AMPD3: variants seen among roughly 807,000 people sequenced by gnomAD.
AMPD3 encodes the protein adenosine monophosphate deaminase 3, also known as AMP deaminase 3.
A neutral mutation model predicts 82.3 loss-of-function variants in AMPD3; 57 were observed. That is an observed-to-expected ratio of 0.69 (90% CI 0.56 to 0.86). The LOEUF is 0.86. Ranked by LOEUF, AMPD3 falls within the 40% of genes least tolerant of loss-of-function variation. The pLI, the probability that AMPD3 is intolerant of heterozygous loss-of-function variation, is 0.00. For synonymous variants in AMPD3, 381 were observed against 394.7 expected (o/e 0.97, Z 0.41); for missense variants, 870 against 1,003.8 (o/e 0.87, Z 1.80).
At chr11:10,472,292 G>C (rs1048684589) in intron 2 of AMPD3, among the ~76,000 whole-genome samples, 1 of 152,040 alleles carries the variant, frequency 6.6e-6, no homozygotes, top group Non-Finnish European at 1.5e-5. Flanking sequence ...GGGGCCTGTT[G>C]GGGGGTGAGG....
chr11:10,498,773 A>G (rs1283202175), intron 10 of AMPD3, among the ~76,000 whole-genome samples: 1 of 152,152 alleles, frequency 6.6e-6, no homozygotes, highest in Non-Finnish European at 1.5e-5. Context: ...CCAGTTGTGG[A>G]TTAAGGGGGA....
At chr11:10,502,564 T>C (rs1849608555) in intron 12 of AMPD3, 157 bp from the exon 13 acceptor site, 3 of 984,824 alleles carry the variant, frequency 3.0e-6, no homozygotes, top group Admixed American at 1.2e-4. Flanking sequence ...TGGGTCTGAG[T>C]GTCCTGGCTT....
chr11:10,502,274 C>T (rs1392468022), intron 12 of AMPD3: 4 of 985,332 alleles, frequency 4.1e-6, no homozygotes, highest in Non-Finnish European at 1.2e-6. Flanking sequence ...CCACCCCTCC[C>T]ATCCCTTCAG....
chr11:10,471,043 C>T (rs1040526530), intron 2 of AMPD3, among the ~76,000 whole-genome samples: 8 of 152,300 alleles, frequency 5.3e-5, no homozygotes, highest in African/African-American at 1.2e-4. Context: ...GGAGGCATCA[C>T]GCTACCTGAC....
At chr11:10,484,698 T>C in intron 4 of AMPD3, 122 bp from the exon 5 acceptor site, 3 of 1,295,908 alleles carry the variant, frequency 2.3e-6, no homozygotes, top group Middle Eastern at 2.6e-4. Context: ...GCATATGAGA[T>C]GCGGGGCCGG....
rs539348575 is a variant in AMPD3 at position 10,456,204 on chromosome 11, A to G, written c.-6+756A>G. On this transcript the variant is annotated intron_variant, in intron 1 of 14. Coordinates refer to ENST00000396553, the MANE Select transcript of AMPD3 (RefSeq NM_001025389.2). The surrounding 1 kb of genome is among the most constrained non-coding windows in gnomAD (Gnocchi z 4.3). ...ATTTCATATTCACGAGAGAATTTCC[A>G]GCCCAGGCTTTTCCTGCTCTGGCTC... 5.7e-5 allele frequency: 82 copies of G among 1,435,964 alleles called. No individual in the cohort carries two copies. The East Asian group carries it at 1.9e-3, about 33-fold the overall frequency. 89.0% of individuals were successfully genotyped at this position (1,435,964 alleles called of 1,614,324 possible).
chr11:10,504,880 G>A (rs1591490169), intron 14 of AMPD3, among the ~76,000 whole-genome samples: 1 of 152,072 alleles, frequency 6.6e-6, no homozygotes, highest in Admixed American at 6.6e-5. Context: ...TTCCCTGATC[G>A]CCCATTCTAA....
intron 6 of AMPD3, among the ~76,000 whole-genome samples, chr11:10,490,066 CT>C (rs891300019): frequency 6.6e-6 from 1 of 152,142 alleles, no homozygotes; most frequent in Non-Finnish European, 1.5e-5. Context: ...CTCCGTATGT[CT>C]AAAGTGGCTA....
chr11:10,452,043 A>G (rs1226632718), upstream of AMPD3, among the ~76,000 whole-genome samples: 1 of 152,124 alleles, frequency 6.6e-6, no homozygotes, highest in African/African-American at 2.4e-5. Flanking sequence ...CCTCTCTAGG[A>G]ATAATGACAC....
chr11:10,497,077 C>A, intron 10 of AMPD3, 139 bp downstream of exon 10: 1 of 1,134,382 alleles, frequency 8.8e-7, no homozygotes, highest in Admixed American at 1.7e-5. Flanking sequence ...CGTGGGGTCA[C>A]CAGCCCCAAG....
intron 2 of AMPD3, among the ~76,000 whole-genome samples, chr11:10,476,033 CTG>C (rs1848726659): frequency 6.6e-6 from 1 of 152,204 alleles, no homozygotes; most frequent in African/African-American, 2.4e-5. Context: ...ACCTATAGAA[CTG>C]TGAGCTAATA....
chr11:10,500,241 C>A lies in AMPD3; in HGVS notation c.1713C>A (p.Asn571Lys). Residue 571 changes from asparagine (N) to lysine (K), a missense_variant, in exon 11 of 15, where the codon AAC becomes AAA. Coordinates refer to ENST00000396553, the MANE Select transcript of AMPD3 (RefSeq NM_001025389.2). ...YMYANIMVLN[N>K]LRRERGLSTF... ...ATGCCAACATCATGGTGCTCAACAA[C>A]CTCCGCAGGTGCGTGAGGCCTGCCC... 6.2e-7 allele frequency: 1 copy of A among 1,614,250 alleles called. No homozygotes were observed. Among genetic ancestry groups the A allele is most frequent in the Non-Finnish European group, 8.5e-7 (1 of 1,180,048 alleles).
chr11:10,483,902 T>C (rs1389999061), intron 4 of AMPD3, among the ~76,000 whole-genome samples: 1 of 152,242 alleles, frequency 6.6e-6, no homozygotes, highest in Admixed American at 6.5e-5. Flanking sequence ...TCCTGGATGG[T>C]GCTGGCTGAG....
chr11:10,498,746 G>C (rs1849493386), intron 10 of AMPD3, among the ~76,000 whole-genome samples: 1 of 152,226 alleles, frequency 6.6e-6, no homozygotes. Flanking sequence ...CGTGGGCTGG[G>C]AGCCCTCCAG....
Position 10,506,535 on chromosome 11 carries a change from C to T in AMPD3, c.*651C>T, listed in dbSNP as rs1036689171. 24 of 154,784 alleles carry T rather than the reference C, an allele frequency of 1.6e-4. No homozygotes were observed. The highest frequency in any genetic ancestry group is 2.7e-4 in the Non-Finnish European group (19 of 69,724). The allele number at this position is 154,784 out of a possible 1,614,324, so 9.6% of individuals were successfully genotyped here. A position where few individuals can be genotyped will look rare whatever the true frequency, so the allele number is the denominator to read the frequency against. On this transcript the variant is annotated 3_prime_UTR_variant, in exon 15 of 15. Coordinates refer to ENST00000396553, the MANE Select transcript of AMPD3 (RefSeq NM_001025389.2). This position sits in a 1 kb window ranked among gnomAD's most constrained non-coding sequence, Gnocchi z 4.1. Reference sequence around the variant, plus strand: ...GTGAGGGTTTGGACTAGATGAGTGGCTTTCAGGGTGTTCTGTGAATCTCCT... The same window carrying T: ...GTGAGGGTTTGGACTAGATGAGTGGTTTTCAGGGTGTTCTGTGAATCTCCT...
chr11:10,473,087 T>A (rs1054415086), intron 2 of AMPD3, among the ~76,000 whole-genome samples: 1 of 152,094 alleles, frequency 6.6e-6, no homozygotes, highest in South Asian at 2.1e-4. Flanking sequence ...CTGGCCAACA[T>A]GGCAAAACCC....
At chr11:10,499,569 T>G (rs1026694780) in intron 10 of AMPD3, 4 of 787,618 alleles carry the variant, frequency 5.1e-6, no homozygotes, top group Non-Finnish European at 6.2e-6. Context: ...GTTTGCTCAA[T>G]TGTAAAATGG....
rs1015303802 is a variant in AMPD3 at position 10,494,583 on chromosome 11, A to G, written c.1135-316A>G. The G allele has an allele frequency of 5.1e-6, 5 of 985,392 alleles. No homozygotes were observed. The South Asian group carries it at 2.3e-4, about 46-fold the overall frequency. The allele number at this position is 985,392 out of a possible 1,614,324, so 61.0% of individuals were successfully genotyped here. A position where few individuals can be genotyped will look rare whatever the true frequency, so the allele number is the denominator to read the frequency against. Reference sequence around the variant, plus strand: ...AGTGCTTTACAAAATGTGAGTAGTGATAGGGAATGTTCTATTATTCAGTGG... The same window carrying G: ...AGTGCTTTACAAAATGTGAGTAGTGGTAGGGAATGTTCTATTATTCAGTGG... On this transcript the variant is annotated intron_variant, in intron 7 of 14. Transcript: ENST00000396553.
chr11:10,484,993 A>G lies in AMPD3; in HGVS notation c.763A>G (p.Thr255Ala). The G allele has an allele frequency of 1.2e-6, 2 of 1,613,986 alleles. No individual in the cohort carries two copies. The highest frequency in any genetic ancestry group is 1.7e-6 in the Non-Finnish European group (2 of 1,180,012). ...SLPYPDLETY[T>A]VDMSHILALI... ...ACCCTACCCCGACCTGGAGACCTAC[A>G]CGGTGGACATGAGCCACATCCTGGC... The change falls in exon 5 of 15, where the codon ACG becomes GCG. Residue 255 changes from threonine (T) to alanine (A), a missense_variant. Coordinates refer to ENST00000396553, the MANE Select transcript of AMPD3 (RefSeq NM_001025389.2).
Sources: allele counts gnomAD v4.1 joint callset (sites outside exome capture counted in the v4.1 genomes callset), GRCh38; gene constraint gnomAD v4.1.1; non-coding constraint Gnocchi (gnomAD v3.1); transcripts MANE v1.5; gene names NCBI Gene and HGNC (gene_info 2026-07-23, HGNC 2026-07-21).